SLC24A2: variants seen among roughly 807,000 people sequenced by gnomAD.
The protein encoded by SLC24A2 is solute carrier family 24 member 2.
SLC24A2 carries 36 observed loss-of-function variants against 62.0 expected under a neutral mutation model. The ratio of observed to expected loss-of-function variants is 0.58; its 90% CI spans 0.44 to 0.77. The LOEUF (loss-of-function observed/expected upper bound fraction) is 0.77, where lower values mean the gene tolerates loss of function less well. Ranked by LOEUF, SLC24A2 falls within the 30% of genes least tolerant of loss-of-function variation. The pLI, the probability that SLC24A2 is intolerant of heterozygous loss-of-function variation, is 0.00. For missense variants in SLC24A2, 846 were observed against 817.9 expected, an observed-to-expected ratio of 1.03 and a Z score of -0.42; for synonymous variants, 358 against 294.0, an observed-to-expected ratio of 1.22 and a Z score of -2.23.
the SLC24A2 span, among the ~76,000 whole-genome samples, chr9:19,859,556 C>T: frequency 2.0e-5 from 3 of 152,128 alleles, no homozygotes; most frequent in Non-Finnish European, 4.4e-5. Context: ...AAGGCTCTGC[C>T]AATTCCCCTT....
At chr9:19,722,874 C>G (rs1821068170) in intron 2 of SLC24A2, among the ~76,000 whole-genome samples, 1 of 152,210 alleles carries the variant, frequency 6.6e-6, no homozygotes, top group South Asian at 2.1e-4. Context: ...TTTGGAGGTG[C>G]TAGACCCAGG....
the SLC24A2 span, among the ~76,000 whole-genome samples, chr9:19,963,594 T>C: frequency 2.0e-5 from 3 of 152,202 alleles, no homozygotes; most frequent in Non-Finnish European, 4.4e-5. Context: ...AAGACATTTA[T>C]GCAGCCAAAA....
At chr9:19,521,389 C>A (rs1833192044) in intron 9 of SLC24A2, among the ~76,000 whole-genome samples, 2 of 152,108 alleles carry the variant, frequency 1.3e-5, no homozygotes, top group African/African-American at 2.4e-5. Context: ...GGCCAATTGG[C>A]CATGGAATCC....
At chr9:20,265,705 T>C in the SLC24A2 span, among the ~76,000 whole-genome samples, 1 of 152,124 alleles carries the variant, frequency 6.6e-6, no homozygotes, top group Non-Finnish European at 1.5e-5. Context: ...GTAACAGCAA[T>C]GTTCAGGGAA....
At chr9:19,941,062 G>T in the SLC24A2 span, among the ~76,000 whole-genome samples, 1 of 152,180 alleles carries the variant, frequency 6.6e-6, no homozygotes, top group East Asian at 1.9e-4. Context: ...TCAAAGGTTG[G>T]GGGAGGAAGA....
chr9:20,045,434 A>ATTC, the SLC24A2 span, among the ~76,000 whole-genome samples: 1 of 152,014 alleles, frequency 6.6e-6, no homozygotes, highest in South Asian at 2.1e-4. Flanking sequence ...TATTATTATT[A>ATTC]TTATCATTAT....
At chr9:20,182,016 CAT>C in the SLC24A2 span, among the ~76,000 whole-genome samples, 1 of 152,154 alleles carries the variant, frequency 6.6e-6, no homozygotes, top group East Asian at 1.9e-4. Context: ...AGCCAACAGA[CAT>C]ATGAAAAAAT....
intron 2 of SLC24A2, among the ~76,000 whole-genome samples, chr9:19,657,983 G>A (rs1355717556): frequency 6.6e-6 from 1 of 152,132 alleles, no homozygotes; most frequent in Non-Finnish European, 1.5e-5. Flanking sequence ...CCTGATTCCT[G>A]CTTGTAGTGA....
At chr9:20,134,154 C>G in the SLC24A2 span, among the ~76,000 whole-genome samples, 8 of 152,126 alleles carry the variant, frequency 5.3e-5, no homozygotes, top group African/African-American at 1.9e-4. Flanking sequence ...AGAAAGCTTC[C>G]TATAGAAAAA....
the SLC24A2 span, among the ~76,000 whole-genome samples, chr9:19,943,811 C>A: frequency 6.6e-6 from 1 of 152,150 alleles, no homozygotes; most frequent in Non-Finnish European, 1.5e-5. Context: ...GAAAGCTACT[C>A]CAACTTATCT....
the SLC24A2 span, among the ~76,000 whole-genome samples, chr9:19,795,478 T>C: frequency 1.3e-5 from 2 of 152,226 alleles, no homozygotes; most frequent in African/African-American, 2.4e-5. Context: ...TCCACATTTA[T>C]ATTGAAAAAC....
In SLC24A2 at chr9:19,511,165, A is replaced by C. The variant is rs1187779593; in HGVS notation, c.*4988T>G. ...GTCCAAAGCTCCTGGTGAAAAAGGA[A>C]TATTGCCATGGTGTAATCATAAGTA... On this transcript the variant is annotated 3_prime_UTR_variant, in exon 11 of 11. Coordinates refer to ENST00000341998, the MANE Select transcript of SLC24A2 (RefSeq NM_020344.4). 1 of 152,192 alleles carries C rather than the reference A, an allele frequency of 6.6e-6. No individual in the cohort carries two copies. Among genetic ancestry groups the C allele is most frequent in the Non-Finnish European group, 1.5e-5 (1 of 68,056 alleles). The allele number at this position is 152,192 out of a possible 1,614,324, so 9.4% of individuals were successfully genotyped here. A position where few individuals can be genotyped will look rare whatever the true frequency, so the allele number is the denominator to read the frequency against.
the SLC24A2 span, among the ~76,000 whole-genome samples, chr9:20,138,370 A>G: frequency 2.0e-5 from 3 of 152,182 alleles, no homozygotes; most frequent in African/African-American, 7.2e-5. Context: ...AAGATTTTTA[A>G]GAGCCATTTG....
At chr9:20,071,382 T>C in the SLC24A2 span, among the ~76,000 whole-genome samples, 1 of 152,126 alleles carries the variant, frequency 6.6e-6, no homozygotes, top group African/African-American at 2.4e-5. Flanking sequence ...CCATGAACAA[T>C]GCCTTACTCT....
intron 2 of SLC24A2, among the ~76,000 whole-genome samples, chr9:19,690,989 C>G (rs1331840435): frequency 1.3e-5 from 2 of 152,050 alleles, no homozygotes; most frequent in Non-Finnish European, 2.9e-5. Flanking sequence ...AAGACAGTGT[C>G]ACATTCAAAC....
chr9:19,942,832 T>C, the SLC24A2 span, among the ~76,000 whole-genome samples: 2 of 152,154 alleles, frequency 1.3e-5, no homozygotes, highest in Non-Finnish European at 2.9e-5. Flanking sequence ...AAGTCGTGGA[T>C]GTTTATTGTG....
At chr9:20,155,760 G>A in the SLC24A2 span, among the ~76,000 whole-genome samples, 2 of 151,618 alleles carry the variant, frequency 1.3e-5, no homozygotes, top group African/African-American at 4.8e-5. Flanking sequence ...AACCAAAGGT[G>A]AATACGTATT....
At chr9:19,902,320 C>G in the SLC24A2 span, among the ~76,000 whole-genome samples, 1 of 152,070 alleles carries the variant, frequency 6.6e-6, no homozygotes, top group Non-Finnish European at 1.5e-5. Context: ...TTTTAGTTTA[C>G]AAGACTGAGT....
chr9:20,130,330 G>GA, the SLC24A2 span, among the ~76,000 whole-genome samples: 7 of 151,660 alleles, frequency 4.6e-5, no homozygotes, highest in African/African-American at 1.7e-4. Context: ...TCGGTGTTAT[G>GA]AAAAAAATAA....
Sources: gnomAD v4.1 joint callset for allele counts (sites outside exome capture counted in the v4.1 genomes callset) on GRCh38, gnomAD v4.1.1 for gene constraint, MANE v1.5 for transcripts, NCBI Gene and HGNC (gene_info 2026-07-23, HGNC 2026-07-21) for gene names.